MROH1: variants seen among roughly 807,000 people sequenced by gnomAD.
MROH1 encodes maestro heat like repeat family member 1.
A neutral mutation model predicts 116.5 loss-of-function variants in MROH1; 117 were observed. The ratio of observed to expected loss-of-function variants is 1.00; its 90% CI spans 0.86 to 1.17. MROH1 has a LOEUF of 1.17. Ranked by LOEUF, MROH1 falls within the 50% of genes most tolerant of loss-of-function variation. The probability of loss-of-function intolerance (pLI) is 0.00; values close to 1 mark genes in which losing one functional copy is unlikely to be tolerated. For synonymous variants in MROH1, 921 were observed against 583.9 expected (o/e 1.58, Z -8.32); for missense variants, 1,873 against 1,338.5 (o/e 1.40, Z -6.23).
At chr8:144,249,158 C>A in intron 32 of MROH1, 129 bp downstream of exon 32, 1 of 669,810 alleles carries the variant, frequency 1.5e-6, no homozygotes, top group South Asian at 1.7e-5. Context: ...GTGAGGCTGG[C>A]CCTGGCCTGT....
intron 10 of MROH1, among the ~76,000 whole-genome samples, chr8:144,197,273 G>A (rs1175114409): frequency 6.6e-6 from 1 of 152,092 alleles, no homozygotes; most frequent in Non-Finnish European, 1.5e-5. Context: ...TTCCAAGGCT[G>A]TTCATTCATG....
intron 35 of MROH1, among the ~76,000 whole-genome samples, chr8:144,257,848 G>T (rs2129848992): frequency 6.6e-6 from 1 of 152,358 alleles, no homozygotes; most frequent in South Asian, 2.1e-4. Context: ...AGCCTTGTGG[G>T]GACAGAGGTC....
chr8:144,245,487 C>T (rs1841729791), intron 29 of MROH1, among the ~76,000 whole-genome samples: 1 of 152,228 alleles, frequency 6.6e-6, no homozygotes. Flanking sequence ...GGAACATGCA[C>T]CTCTGGTCTC....
intron 41 of MROH1, 26 bp downstream of exon 41, chr8:144,261,067 T>C (rs1844950484): frequency 9.1e-6 from 2 of 219,516 alleles, no homozygotes; most frequent in Admixed American, 1.1e-4. Context: ...AGGCGGGGCG[T>C]GGTGGGTGGG....
Position 144,239,640 on chromosome 8 carries a change from G to A in MROH1, c.1659G>A (p.Gly553=). 2 of 770,238 alleles carry A rather than the reference G, an allele frequency of 2.6e-6. No homozygotes were observed. The highest frequency in any genetic ancestry group is 2.8e-5 in the South Asian group (2 of 72,624). The allele number at this position is 770,238 out of a possible 1,614,324, so 47.7% of individuals were successfully genotyped here. Residue 553 remains glycine, a synonymous_variant, in exon 18 of 44, where the codon GGG becomes GGA. Transcript: ENST00000326134. ...LLVVSSSPYL[G]DGRGAAALRL... Reference sequence around the variant, plus strand: ...TTGTGTCTTCCAGCCCCTACCTAGGGGACGGACGTGGGGCAGCGGCGCTGC... The same window carrying A: ...TTGTGTCTTCCAGCCCCTACCTAGGAGACGGACGTGGGGCAGCGGCGCTGC...
At chr8:144,168,666 C>T (rs1294945473) in intron 4 of MROH1, among the ~76,000 whole-genome samples, 2 of 152,198 alleles carry the variant, frequency 1.3e-5, no homozygotes, top group African/African-American at 4.8e-5. Context: ...CTGTTCAACC[C>T]TCCTGGTCGA....
chr8:144,173,494 C>T (rs1406020102), intron 4 of MROH1, among the ~76,000 whole-genome samples: 5 of 151,656 alleles, frequency 3.3e-5, no homozygotes, highest in South Asian at 4.1e-4. Flanking sequence ...TGGCGCAAAC[C>T]GGCTCGCTGC....
In MROH1 at chr8:144,241,108, C is replaced by G; in HGVS notation, c.2052C>G (p.Arg684=). Residue 684 remains arginine (R), a synonymous_variant, in exon 21 of 44, where the codon CGC becomes CGG. Transcript: ENST00000326134. ...CCAGATACCAGGAGGAGGCAGAACG[C>G]GAGGTGGGGCCGCTTTCCCTGCAGA... ...ETARYQEEAE[R]EGLACCFGIC... is the part of the protein sequence containing the mutation. 1.3e-6 allele frequency: 1 copy of G among 760,706 alleles called. No individual in the cohort carries two copies. Among genetic ancestry groups the G allele is most frequent in the East Asian group, 2.5e-5 (1 of 40,278 alleles). The allele number at this position is 760,706 out of a possible 1,614,324, so 47.1% of individuals were successfully genotyped here.
chr8:144,187,900 TG>T (rs1295574416), intron 7 of MROH1, among the ~76,000 whole-genome samples: 1 of 151,578 alleles, frequency 6.6e-6, no homozygotes, highest in African/African-American at 2.4e-5. Context: ...GGGAGCCAGG[TG>T]GGGGTGTAGG....
rs1372903301 is a variant in MROH1, at chr8:144,191,600, C to T, written c.715-115C>T. 12 of 1,382,750 alleles carry T rather than the reference C, an allele frequency of 8.7e-6. No individual in the cohort carries two copies. The East Asian group carries it at 2.5e-4, about 29-fold the overall frequency. The allele number at this position is 1,382,750 out of a possible 1,614,324, so 85.7% of individuals were successfully genotyped here. ...TAGGCTCACGTCCCAGCCCCCGTAG[C>T]ACCCACTGGTAGCCCAGTGTTCGTT... is the stretch of plus-strand genomic sequence containing the variant. On this transcript the variant is annotated intron_variant, in intron 8 of 43. Coordinates refer to ENST00000326134, the MANE Select transcript of MROH1 (RefSeq NM_032450.3).
intron 29 of MROH1, among the ~76,000 whole-genome samples, chr8:144,247,088 G>C (rs1000333440): frequency 3.4e-4 from 51 of 151,144 alleles, no homozygotes; most frequent in Non-Finnish European, 5.9e-4. Flanking sequence ...TGTAGACGAG[G>C]TGTGGTCAGA....
chr8:144,259,876 C>CG, intron 37 of MROH1, 35 bp from the exon 38 acceptor site: 1 of 721,924 alleles, frequency 1.4e-6, no homozygotes, highest in South Asian at 1.5e-5. Flanking sequence ...CTGGGGTCAG[C>CG]GGGGAGAGGG....
intron 1 of MROH1, among the ~76,000 whole-genome samples, chr8:144,158,478 T>A (rs1818706977): frequency 6.6e-6 from 1 of 152,226 alleles, no homozygotes; most frequent in Non-Finnish European, 1.5e-5. Flanking sequence ...GCACATTCTC[T>A]GTATACTTTA....
At chr8:144,241,230 AG>A in intron 21 of MROH1, 119 bp downstream of exon 21, 2 of 694,576 alleles carry the variant, frequency 2.9e-6, no homozygotes, top group Admixed American at 4.1e-5. Context: ...GTGCATACAC[AG>A]GTGGTGTGCG....
intron 28 of MROH1, among the ~76,000 whole-genome samples, chr8:144,244,885 A>G (rs1841634423): frequency 6.6e-6 from 1 of 152,166 alleles, no homozygotes; most frequent in Non-Finnish European, 1.5e-5. Context: ...TTCTAGGACC[A>G]AGGTGGCCTC....
intron 4 of MROH1, among the ~76,000 whole-genome samples, chr8:144,178,166 C>T (rs556487045): frequency 8.9e-4 from 70 of 78,288 alleles, no homozygotes; most frequent in Non-Finnish European, 1.8e-3. Context: ...CAGAGTCTTG[C>T]TCCGTGGCCC....
intron 12 of MROH1, among the ~76,000 whole-genome samples, chr8:144,204,114 TTTTTG>T (rs1832312864): frequency 6.6e-6 from 1 of 152,160 alleles, no homozygotes; most frequent in African/African-American, 2.4e-5. Context: ...TCTGTGTCAT[TTTTTG>T]TTTTGTTTTG....
intron 13 of MROH1, 104 bp downstream of exon 13, chr8:144,220,777 C>T: frequency 1.0e-6 from 1 of 966,324 alleles, no homozygotes; most frequent in South Asian, 1.5e-5. Context: ...GCGGCCACCA[C>T]CCTTGGCTGG....
In MROH1 at chr8:144,218,324, C is replaced by T. The variant is rs116721601; in HGVS notation, c.1142-2276C>T. Among the ~76,000 whole-genome samples, 1,247 of 152,146 alleles carry T rather than the reference C, an allele frequency of 8.2e-3. 33 individuals are homozygous for T. The highest frequency in any genetic ancestry group is 0.028 in the African/African-American group (1,170 of 41,502). The stretch of plus-strand genomic sequence containing the variant: ...TCCAAAGTCCCCATGCCAGTTTCTC[C>T]AGCAGCCTCCAAGCATTCTACCTGT... On this transcript the variant is annotated intron_variant, in intron 12 of 43. Transcript: ENST00000326134.
Sources: allele counts gnomAD v4.1 joint callset (sites outside exome capture counted in the v4.1 genomes callset), GRCh38; gene constraint gnomAD v4.1.1; transcripts MANE v1.5; gene names NCBI Gene and HGNC (gene_info 2026-07-23, HGNC 2026-07-21).